LHX8: variants seen among roughly 807,000 people sequenced by gnomAD.
LHX8 encodes LIM/homeobox protein Lhx8.
In LHX8, 12 loss-of-function variants were observed where a neutral mutation model predicts 40.3. The observed-to-expected ratio is 0.30, with a 90% confidence interval of 0.19 to 0.48. LHX8 has a LOEUF of 0.48. Ranked by LOEUF, LHX8 falls within the 20% of genes least tolerant of loss-of-function variation. LHX8 has a pLI of 0.99. For missense variants in LHX8, 344 were observed against 433.7 expected (o/e 0.79, Z 1.84); for synonymous variants, 179 against 162.0 (o/e 1.10, Z -0.80).
chr1:75,135,059 T>A, intron 1 of LHX8, 105 bp downstream of exon 1: 2 of 383,636 alleles, frequency 5.2e-6, no homozygotes, highest in South Asian at 2.1e-4. Context: ...CCTGGCTCGT[T>A]TCGTTCGGCT....
chr1:75,180,291 G>A, the LHX8 span, among the ~76,000 whole-genome samples: 19 of 152,296 alleles, frequency 1.2e-4, no homozygotes, highest in South Asian at 1.5e-3. Flanking sequence ...GTGTTTTCCA[G>A]CTTGGTTCCA....
At chr1:75,141,474 G>C (rs1421221639) in intron 4 of LHX8, among the ~76,000 whole-genome samples, 2 of 152,180 alleles carry the variant, frequency 1.3e-5, no homozygotes, top group South Asian at 4.2e-4. Flanking sequence ...AAATCATTAT[G>C]GGGGAGAAAA....
At chr1:75,136,806 A>G in intron 2 of LHX8, 117 bp downstream of exon 2, 1 of 494,908 alleles carries the variant, frequency 2.0e-6, no homozygotes, top group Non-Finnish European at 3.6e-6. Flanking sequence ...TGCAGCAGAC[A>G]GAGGACGGGG....
At chr1:75,177,588 G>C in the LHX8 span, among the ~76,000 whole-genome samples, 2 of 152,248 alleles carry the variant, frequency 1.3e-5, no homozygotes, top group South Asian at 4.1e-4. Context: ...AGACGATGGG[G>C]TTTTCTAAAT....
chr1:75,172,819 G>A, the LHX8 span, among the ~76,000 whole-genome samples: 1 of 151,982 alleles, frequency 6.6e-6, no homozygotes, highest in Admixed American at 6.6e-5. Context: ...AAAAATAATC[G>A]TGTTTGGGCC....
chr1:75,168,880 A>T, the LHX8 span, among the ~76,000 whole-genome samples: 5 of 152,258 alleles, frequency 3.3e-5, no homozygotes, highest in Middle Eastern at 6.8e-3. Context: ...GCTTCCCCAC[A>T]TCTTTGCCAT....
chr1:75,144,730 T>A (rs185107174), intron 6 of LHX8, among the ~76,000 whole-genome samples: 76 of 152,280 alleles, frequency 5.0e-4, no homozygotes, highest in African/African-American at 1.8e-3. Context: ...GGCTGAGGTA[T>A]TTGTTTCATG....
chr1:75,195,834 C>T, the LHX8 span, among the ~76,000 whole-genome samples: 1 of 151,986 alleles, frequency 6.6e-6, no homozygotes, highest in Admixed American at 6.6e-5. Context: ...TAATATCTTT[C>T]TTTCTTCAAT....
At chr1:75,138,805 C>CT (rs1359833472) in intron 3 of LHX8, among the ~76,000 whole-genome samples, 2 of 152,026 alleles carry the variant, frequency 1.3e-5, no homozygotes, top group Non-Finnish European at 2.9e-5. Flanking sequence ...TATTATATAT[C>CT]TTTGTATTGC....
chr1:75,138,551 T>C (rs1648215918), intron 3 of LHX8, among the ~76,000 whole-genome samples: 1 of 152,212 alleles, frequency 6.6e-6, no homozygotes, highest in Non-Finnish European at 1.5e-5. Flanking sequence ...GATTCCACTT[T>C]CAATGTTTCT....
upstream of LHX8, among the ~76,000 whole-genome samples, chr1:75,133,692 C>T (rs1008055107): frequency 6.6e-6 from 1 of 152,136 alleles, no homozygotes; most frequent in African/African-American, 2.4e-5. Flanking sequence ...TTAAGGTACC[C>T]TGAATACCTC....
chr1:75,163,513 G>A (rs1394091295), downstream of LHX8, among the ~76,000 whole-genome samples: 1 of 152,116 alleles, frequency 6.6e-6, no homozygotes, highest in Non-Finnish European at 1.5e-5. Context: ...CCTACCGGAG[G>A]AGATAAAGAA....
intron 8 of LHX8, chr1:75,160,453 G>T: frequency 3.8e-6 from 1 of 261,696 alleles, no homozygotes; most frequent in Non-Finnish European, 7.4e-6. Context: ...AAACATTAAT[G>T]AAAGAAACTT....
chr1:75,137,409 G>T, intron 3 of LHX8, 148 bp downstream of exon 3: 1 of 749,362 alleles, frequency 1.3e-6, no homozygotes, highest in Admixed American at 2.4e-5. Context: ...CCAGTTTAGG[G>T]CAACTCATGC....
At chr1:75,184,457 C>G in the LHX8 span, among the ~76,000 whole-genome samples, 59 of 152,120 alleles carry the variant, frequency 3.9e-4, no homozygotes, top group Non-Finnish European at 6.9e-4. Context: ...GAAATCAAGA[C>G]TAAAAAAATT....
chr1:75,182,575 G>A, the LHX8 span, among the ~76,000 whole-genome samples: 3 of 152,020 alleles, frequency 2.0e-5, no homozygotes, highest in African/African-American at 7.2e-5. Flanking sequence ...GTTTCTCCAT[G>A]TTGGTCAGGC....
At position 75,161,068 on chromosome 1, in the gene LHX8, ATTC is replaced by A; in HGVS notation, c.*177_*179del. 1.7e-6 allele frequency: 1 copy of A among 592,818 alleles called. No individual in the cohort carries two copies. The highest frequency in any genetic ancestry group is 2.9e-5 in the East Asian group (1 of 34,906). The allele number at this position is 592,818 out of a possible 1,614,324, so 36.7% of individuals were successfully genotyped here. Reference sequence around the variant, plus strand: ...GTTGGCCTGCAAGACACTTTTATTAATTCTTCATTTTTTGTAAAACTTATGTTT... The same window carrying A: ...GTTGGCCTGCAAGACACTTTTATTAATTCATTTTTTGTAAAACTTATGTTT... On this transcript the variant is annotated 3_prime_UTR_variant, in exon 9 of 9. Coordinates refer to ENST00000356261, the MANE Select transcript of LHX8 (RefSeq NM_001256114.2).
chr1:75,137,137 C>T lies in LHX8; in HGVS notation c.113C>T (p.Ser38Phe). 1 of 1,611,192 alleles carries T rather than the reference C, an allele frequency of 6.2e-7. No homozygotes were observed. The highest frequency in any genetic ancestry group is 8.5e-7 in the Non-Finnish European group (1 of 1,178,632). The change falls in exon 3 of 9, where the codon TCC becomes TTC. Residue 38 changes from serine (S) to phenylalanine (F), a missense_variant. This residue lies in a region of LHX8 where 108 missense variants were observed against 90.1 expected (regional missense o/e 1.20). Transcript: ENST00000356261. The stretch of plus-strand genomic sequence containing the variant: ...GGAGCGGGGGACGAGGACTCGTGCT[C>T]CTCCTCGGCCCCGCTGTCCCCGTCG... The part of the protein sequence containing the change: ...PEGAGDEDSC[S>F]SSAPLSPSSS...
rs1648151466 is a variant in LHX8 at position 75,136,756 on chromosome 1, G to A, written c.75+67G>A. On this transcript the variant is annotated intron_variant, in intron 2 of 8. Coordinates refer to ENST00000356261, the MANE Select transcript of LHX8 (RefSeq NM_001256114.2). ...GGGAGGCGGCGCAGGACGAAGGGCCGCTGTCCCCGCGCTCCTTCCAGGGCC... is the reference window on the plus strand; with the variant it reads ...GGGAGGCGGCGCAGGACGAAGGGCCACTGTCCCCGCGCTCCTTCCAGGGCC... The A allele has an allele frequency of 3.8e-6, 5 of 1,312,098 alleles. No individual in the cohort carries two copies. In the African/African-American group the frequency reaches 4.4e-5, roughly 11 times the overall value. 81.3% of individuals were successfully genotyped at this position (1,312,098 alleles called of 1,614,324 possible).
Sources: gnomAD v4.1 joint callset for allele counts (sites outside exome capture counted in the v4.1 genomes callset) on GRCh38, gnomAD v4.1.1 for gene constraint, gnomAD v4.1.1 regional missense constraint, MANE v1.5 for transcripts, NCBI Gene and HGNC (gene_info 2026-07-23, HGNC 2026-07-21) for gene names.